The following TWSG1 variants were observed in gnomAD, a reference collection of about 807,000 sequenced individuals.
TWSG1 encodes twisted gastrulation protein homolog 1.
Under a neutral mutation model 23.0 loss-of-function variants are expected in TWSG1, and 15 were observed. The ratio of observed to expected loss-of-function variants is 0.65; its 90% CI spans 0.44 to 1.00. The LOEUF (loss-of-function observed/expected upper bound fraction) is 1.00. Among genes scored for constraint, TWSG1 ranks in the 50% least tolerant of loss-of-function variants. TWSG1 has a pLI of 0.00. For missense variants in TWSG1, 242 were observed against 278.7 expected (o/e 0.87, Z 0.94); for synonymous variants, 86 against 92.8 (o/e 0.93, Z 0.42).
At chr18:9,368,439 G>C (rs1478818292) in intron 3 of TWSG1, among the ~76,000 whole-genome samples, 1 of 152,148 alleles carries the variant, frequency 6.6e-6, no homozygotes, top group East Asian at 1.9e-4. Flanking sequence ...TTGACCTCAG[G>C]ATCCACTCGC....
intron 3 of TWSG1, among the ~76,000 whole-genome samples, chr18:9,395,243 T>C (rs773149070): frequency 2.0e-5 from 3 of 152,212 alleles, no homozygotes; most frequent in Non-Finnish European, 4.4e-5. Context: ...TCACTGGTGA[T>C]GTTAACTTTG....
intron 3 of TWSG1, among the ~76,000 whole-genome samples, chr18:9,395,473 A>G (rs1416697393): frequency 6.6e-6 from 1 of 152,170 alleles, no homozygotes; most frequent in Non-Finnish European, 1.5e-5. Context: ...CCTTTCTTCT[A>G]CATTTATCAG....
At chr18:9,352,122 A>AT (rs1277455318) in intron 2 of TWSG1, among the ~76,000 whole-genome samples, 2 of 151,766 alleles carry the variant, frequency 1.3e-5, no homozygotes, top group South Asian at 2.1e-4. Flanking sequence ...CACTGATTTG[A>AT]TTTTTTTTCT....
chr18:9,363,665 G>A (rs940486959), intron 3 of TWSG1, among the ~76,000 whole-genome samples: 3 of 151,650 alleles, frequency 2.0e-5, no homozygotes, highest in African/African-American at 7.3e-5. Flanking sequence ...TTGCTCTCTC[G>A]CCCAGGCTGG....
At chr18:9,338,024 C>G (rs1253406301) in intron 2 of TWSG1, among the ~76,000 whole-genome samples, 1 of 152,208 alleles carries the variant, frequency 6.6e-6, no homozygotes, top group African/African-American at 2.4e-5. Context: ...AGTAATGTGG[C>G]TAAGTTAACA....
chr18:9,360,623 T>C (rs1466274036), intron 3 of TWSG1, among the ~76,000 whole-genome samples: 1 of 152,212 alleles, frequency 6.6e-6, no homozygotes, highest in Non-Finnish European at 1.5e-5. Flanking sequence ...AAGGATCCTC[T>C]ATGCTTCTGA....
chr18:9,372,214 G>T (rs563081923), intron 3 of TWSG1, among the ~76,000 whole-genome samples: 6 of 150,966 alleles, frequency 4.0e-5, no homozygotes, highest in Non-Finnish European at 8.8e-5. Flanking sequence ...ACATTCCAGG[G>T]CCCACAGTGA....
chr18:9,366,437 G>T (rs1306059595), intron 3 of TWSG1, among the ~76,000 whole-genome samples: 1 of 152,238 alleles, frequency 6.6e-6, no homozygotes, highest in Non-Finnish European at 1.5e-5. Flanking sequence ...ACAACCCTGG[G>T]ACAGGCTCTA....
chr18:9,396,206 A>G (rs2040734772), intron 3 of TWSG1, 74 bp from the exon 4 acceptor site: 43 of 1,289,804 alleles, frequency 3.3e-5, no homozygotes, highest in Non-Finnish European at 4.4e-5. Context: ...TAGAAGTTAC[A>G]TAATTTTAAT....
intron 3 of TWSG1, among the ~76,000 whole-genome samples, chr18:9,370,236 T>G: frequency 6.6e-6 from 1 of 152,016 alleles, no homozygotes; most frequent in Non-Finnish European, 1.5e-5. Flanking sequence ...CAGAATTGCT[T>G]GAACCCAGGA....
chr18:9,365,397 G>A (rs1291505806), intron 3 of TWSG1, among the ~76,000 whole-genome samples: 1 of 152,106 alleles, frequency 6.6e-6, no homozygotes, highest in Non-Finnish European at 1.5e-5. Context: ...AAAATTGCCT[G>A]AGCGCAGTTG....
chr18:9,372,707 A>T (rs1236713569), intron 3 of TWSG1, among the ~76,000 whole-genome samples: 1 of 151,842 alleles, frequency 6.6e-6, no homozygotes, highest in Admixed American at 6.6e-5. Context: ...TGTGAACTTG[A>T]TTCATTGTAA....
At chr18:9,379,363 G>A (rs561989289) in intron 3 of TWSG1, among the ~76,000 whole-genome samples, 6 of 152,188 alleles carry the variant, frequency 3.9e-5, no homozygotes, top group South Asian at 4.1e-4. Context: ...TGTCCTTTGC[G>A]GGAACATGGA....
At position 9,396,395 on chromosome 18, in the gene TWSG1, G is replaced by A. The variant is rs1238882327; in HGVS notation, c.339G>A (p.Gln113=). The change falls in exon 4 of 5, where the codon CAG becomes CAA. Residue 113 remains glutamine (Q), a synonymous_variant. Transcript: ENST00000262120. ...LFRALTEGDT[Q]LNWNIVSFPV... is the part of the protein sequence containing the mutation. ...GGGCACTCACAGAAGGAGATACTCA[G>A]TTGAATTGGAACATCGTTTCTTTCC... 1 of 1,614,148 alleles carries A rather than the reference G, an allele frequency of 6.2e-7. No homozygotes were observed. The highest frequency in any genetic ancestry group is 8.5e-7 in the Non-Finnish European group (1 of 1,180,036).
intron 3 of TWSG1, among the ~76,000 whole-genome samples, chr18:9,365,676 C>CA (rs1205070268): frequency 2.5e-4 from 36 of 144,616 alleles, no homozygotes; most frequent in Middle Eastern, 7.1e-3. Flanking sequence ...GACTTTAACT[C>CA]AAAAAAAAAG....
chr18:9,369,461 GT>G (rs2040594716), intron 3 of TWSG1, among the ~76,000 whole-genome samples: 1 of 152,052 alleles, frequency 6.6e-6, no homozygotes, highest in Non-Finnish European at 1.5e-5. Context: ...TAGAGATGGG[GT>G]TTCACCATGT....
At chr18:9,338,637 G>A (rs973768332) in intron 2 of TWSG1, among the ~76,000 whole-genome samples, 1 of 152,132 alleles carries the variant, frequency 6.6e-6, no homozygotes, top group African/African-American at 2.4e-5. Flanking sequence ...ACCTAATTTT[G>A]TATGTGGAAA....
intron 3 of TWSG1, among the ~76,000 whole-genome samples, chr18:9,372,054 C>T (rs778370623): frequency 6.6e-6 from 1 of 151,998 alleles, no homozygotes; most frequent in Non-Finnish European, 1.5e-5. Flanking sequence ...CGTGAGCCAT[C>T]GCGCCTGGCC....
intron 3 of TWSG1, among the ~76,000 whole-genome samples, chr18:9,382,186 A>C (rs993037872): frequency 6.6e-6 from 1 of 151,792 alleles, no homozygotes; most frequent in South Asian, 2.1e-4. Flanking sequence ...CTTTTGGGAA[A>C]GTTAACCATA....
Sources: gnomAD v4.1 joint callset for allele counts (sites outside exome capture counted in the v4.1 genomes callset) on GRCh38, gnomAD v4.1.1 for gene constraint, MANE v1.5 for transcripts, NCBI Gene and HGNC (gene_info 2026-07-23, HGNC 2026-07-21) for gene names.